Variants in TPO observed in about 807,000 individuals in gnomAD.
TPO encodes the protein thyroid peroxidase.
TPO carries 78 observed loss-of-function variants against 96.9 expected under a neutral mutation model. The ratio of observed to expected loss-of-function variants is 0.81; its 90% CI spans 0.67 to 0.97. The LOEUF (loss-of-function observed/expected upper bound fraction) is 0.97. Ranked by LOEUF, TPO falls within the 50% of genes least tolerant of loss-of-function variation. The probability of loss-of-function intolerance (pLI) is 0.00; values close to 1 mark genes in which losing one functional copy is unlikely to be tolerated. For missense variants in TPO, 1,252 were observed against 1,274.8 expected (o/e 0.98, Z 0.27); for synonymous variants, 547 against 538.0 (o/e 1.02, Z -0.23).
chr2:1,419,136 G>A (rs1461387559), intron 2 of TPO, among the ~76,000 whole-genome samples: 1 of 152,178 alleles, frequency 6.6e-6, no homozygotes, highest in African/African-American at 2.4e-5. Context: ...GGAGAATTTG[G>A]GGGAACCGTG....
chr2:1,458,207 TG>T (rs2148603716), intron 7 of TPO, among the ~76,000 whole-genome samples: 1 of 152,012 alleles, frequency 6.6e-6, no homozygotes, highest in East Asian at 1.9e-4. Flanking sequence ...CATATGTATA[TG>T]GCATATAAGA....
chr2:1,398,749 G>A (rs1278661967), intron 1 of TPO, among the ~76,000 whole-genome samples: 1 of 152,214 alleles, frequency 6.6e-6, no homozygotes, highest in African/African-American at 2.4e-5. Context: ...CTTCCCCCAA[G>A]GAATGGGGTG....
chr2:1,378,003 A>G (rs1406001536), intron 1 of TPO, among the ~76,000 whole-genome samples: 2 of 152,152 alleles, frequency 1.3e-5, no homozygotes, highest in Non-Finnish European at 2.9e-5. Context: ...CTGTTCTCAT[A>G]GCAGTTAATA....
chr2:1,429,689 C>T (rs1177123837), intron 3 of TPO, among the ~76,000 whole-genome samples: 3 of 152,176 alleles, frequency 2.0e-5, no homozygotes, highest in Admixed American at 6.5e-5. Flanking sequence ...AGGTAGAGGC[C>T]GCCTGTGCTA....
intron 15 of TPO, among the ~76,000 whole-genome samples, chr2:1,524,532 CTG>C (rs1448776843): frequency 7.8e-6 from 1 of 128,986 alleles, no homozygotes; most frequent in African/African-American, 3.0e-5. Flanking sequence ...ATCCCACCCA[CTG>C]TGTGCAACCT....
At chr2:1,485,719 G>T (rs1490415381) in intron 9 of TPO, among the ~76,000 whole-genome samples, 1 of 152,048 alleles carries the variant, frequency 6.6e-6, no homozygotes, top group Non-Finnish European at 1.5e-5. Flanking sequence ...GGAAGTGTCT[G>T]TTCATATCCT....
chr2:1,422,931 C>A, intron 2 of TPO, 114 bp from the exon 3 acceptor site: 2 of 1,175,488 alleles, frequency 1.7e-6, no homozygotes, highest in Non-Finnish European at 2.5e-6. Flanking sequence ...CCTGCCTGTC[C>A]CGGAAGCCAC....
intron 7 of TPO, among the ~76,000 whole-genome samples, chr2:1,467,589 CTTATT>C (rs1372796996): frequency 6.6e-6 from 1 of 152,054 alleles, no homozygotes; most frequent in African/African-American, 2.4e-5. Context: ...TTTATTGAGG[CTTATT>C]TTGAGACCTA....
chr2:1,501,267 C>A (rs1672845864), intron 13 of TPO, among the ~76,000 whole-genome samples: 1 of 152,238 alleles, frequency 6.6e-6, no homozygotes, highest in Non-Finnish European at 1.5e-5. Flanking sequence ...TGTGTGGACA[C>A]CACGGCCACT....
chr2:1,483,873 A>C (rs1670870059), intron 8 of TPO, among the ~76,000 whole-genome samples: 1 of 152,234 alleles, frequency 6.6e-6, no homozygotes, highest in Non-Finnish European at 1.5e-5. Flanking sequence ...GAAGAAACAT[A>C]TTACAAGTGT....
chr2:1,510,141 A>G (rs1202479479), intron 14 of TPO, among the ~76,000 whole-genome samples: 2 of 152,120 alleles, frequency 1.3e-5, no homozygotes. Flanking sequence ...ATGGAAAATT[A>G]GAAACAGCAG....
At chr2:1,405,893 A>T (rs1007653104) in intron 1 of TPO, among the ~76,000 whole-genome samples, 7 of 152,252 alleles carry the variant, frequency 4.6e-5, no homozygotes, top group African/African-American at 1.7e-4. Flanking sequence ...ACGATATTCT[A>T]GATTAGGCTT....
intron 2 of TPO, among the ~76,000 whole-genome samples, chr2:1,422,329 G>GCGCCTCTCCTGGACCGACCTCGTGCAGC (rs1663701439): frequency 4.8e-5 from 4 of 83,600 alleles, no homozygotes; most frequent in East Asian, 3.3e-4. Context: ...CCTCGTGCAG[G>GCGCCTCTCCTGGACCGACCTCGTGCAGC]CGCCTCTCCT....
chr2:1,386,376 T>A (rs1661895407), intron 1 of TPO, among the ~76,000 whole-genome samples: 1 of 152,208 alleles, frequency 6.6e-6, no homozygotes, highest in African/African-American at 2.4e-5. Context: ...TCTAAGGACT[T>A]GCTTTATGAA....
chr2:1,408,297 G>T (rs374269509), intron 1 of TPO, among the ~76,000 whole-genome samples: 1 of 152,194 alleles, frequency 6.6e-6, no homozygotes, highest in African/African-American at 2.4e-5. Context: ...GAGCTCTCAG[G>T]TCACTACTGG....
intron 2 of TPO, among the ~76,000 whole-genome samples, chr2:1,418,305 G>T (rs929347055): frequency 4.6e-5 from 7 of 151,282 alleles, no homozygotes; most frequent in African/African-American, 1.7e-4. Flanking sequence ...AAAAAAGAGA[G>T]AGAGAGAAAA....
At position 1,398,633 on chromosome 2, in the gene TPO, C is replaced by T. The variant is rs528161258; in HGVS notation, n.180+24231C>T. Among the ~76,000 whole-genome samples the T allele has an allele frequency of 3.9e-5, 6 of 152,338 alleles. No homozygotes were observed. The South Asian group carries it at 1.2e-3, about 32-fold the overall frequency. Reference sequence around the variant, plus strand: ...GGCAGGGAGGGTCTGGACAAAACTGCAGTGGGAGAGGTCATGAATATCACC... The same window carrying T: ...GGCAGGGAGGGTCTGGACAAAACTGTAGTGGGAGAGGTCATGAATATCACC... On this transcript the variant is annotated intron_variant and non_coding_transcript_variant, in intron 1 of 5. Coordinates refer to the TPO transcript ENST00000497517.
chr2:1,398,493 G>A (rs553264794), intron 1 of TPO, among the ~76,000 whole-genome samples: 58 of 152,322 alleles, frequency 3.8e-4, no homozygotes, highest in Non-Finnish European at 7.6e-4. Flanking sequence ...CACTCCATGG[G>A]TTCTCAGACC....
rs781139239 is a variant in TPO, at chr2:1,456,078, C to T, written c.615C>T (p.Val205=). ...ACCAATGGTCTCTTCCTACCCAGGT[C>T]CGGGAGGTGACAAGACATGTCATTC... ...FLYNGFPLPP[V]REVTRHVIQV... is the part of the protein sequence containing the mutation. The change falls in exon 7 of 17, where the codon GTC becomes GTT. Residue 205 remains valine (V), a splice_region_variant and synonymous_variant. Transcript: ENST00000329066. 9 of 1,613,546 alleles carry T rather than the reference C, an allele frequency of 5.6e-6. No homozygotes were observed. Among genetic ancestry groups the T allele is most frequent in the Non-Finnish European group, 7.6e-6 (9 of 1,179,918 alleles).
Sources: gnomAD v4.1 joint callset for allele counts (sites outside exome capture counted in the v4.1 genomes callset) on GRCh38, gnomAD v4.1.1 for gene constraint, MANE v1.5 for transcripts, NCBI Gene and HGNC (gene_info 2026-07-23, HGNC 2026-07-21) for gene names.